The following M1AP variants were observed in gnomAD, a reference collection of about 807,000 sequenced individuals.
M1AP encodes meiosis 1 arrest protein.
Under a neutral mutation model 51.2 loss-of-function variants are expected in M1AP, and 39 were observed. The ratio of observed to expected loss-of-function variants is 0.76; its 90% CI spans 0.59 to 1.00. The LOEUF (loss-of-function observed/expected upper bound fraction) is 1.00. Among genes scored for constraint, M1AP ranks in the 50% least tolerant of loss-of-function variants. The pLI, the probability that M1AP is intolerant of heterozygous loss-of-function variation, is 0.00. For synonymous variants in M1AP, 251 were observed against 249.2 expected, an observed-to-expected ratio of 1.01 and a Z score of -0.07; for missense variants, 545 against 641.2, an observed-to-expected ratio of 0.85 and a Z score of 1.62.
At chr2:74,602,207 T>G (rs996640572) in intron 4 of M1AP, among the ~76,000 whole-genome samples, 1 of 150,732 alleles carries the variant, frequency 6.6e-6, no homozygotes, top group Admixed American at 6.6e-5. Flanking sequence ...AAATCATTTG[T>G]TTTTTTTTCA....
In M1AP at chr2:74,648,280, G is replaced by A. The variant is rs1683722112; in HGVS notation, c.-68C>T. 3 of 985,260 alleles carry A rather than the reference G, an allele frequency of 3.0e-6. No individual in the cohort carries two copies. Among genetic ancestry groups the A allele is most frequent in the Admixed American group, 6.1e-5 (1 of 16,272 alleles). The allele number at this position is 985,260 out of a possible 1,614,324, so 61.0% of individuals were successfully genotyped here. On this transcript the variant is annotated 5_prime_UTR_variant, in exon 1 of 11. Coordinates refer to ENST00000421985, the MANE Select transcript of M1AP (RefSeq NM_001321739.2). ...AGAACCGTACCTGTCTTCGGAAGAC[G>A]GAGGCCCCCTCACCTGGTCCTCCCG...
intron 7 of M1AP, among the ~76,000 whole-genome samples, chr2:74,564,321 C>T (rs1678233614): frequency 6.6e-6 from 1 of 152,120 alleles, no homozygotes; most frequent in Non-Finnish European, 1.5e-5. Flanking sequence ...CTGGTAGGCA[C>T]AGCAAGTGGT....
intron 4 of M1AP, among the ~76,000 whole-genome samples, chr2:74,604,176 C>G (rs925205641): frequency 6.6e-6 from 1 of 152,176 alleles, no homozygotes; most frequent in Non-Finnish European, 1.5e-5. Flanking sequence ...ACCTTTATGC[C>G]TCACTCCCAC....
chr2:74,646,231 G>A (rs536633266), intron 1 of M1AP, among the ~76,000 whole-genome samples: 2 of 152,300 alleles, frequency 1.3e-5, no homozygotes, highest in African/African-American at 4.8e-5. Context: ...ATAAGCCCAT[G>A]TGATGTTTTA....
intron 2 of M1AP, among the ~76,000 whole-genome samples, chr2:74,634,678 C>T (rs945128874): frequency 5.9e-5 from 9 of 152,154 alleles, no homozygotes; most frequent in African/African-American, 2.2e-4. Context: ...TTAAATATGG[C>T]ATTAGCTGTA....
At chr2:74,561,836 G>C (rs1029027382) in intron 8 of M1AP, 55 of 967,614 alleles carry the variant, frequency 5.7e-5, no homozygotes, top group Non-Finnish European at 6.3e-5. Flanking sequence ...CCTGACATCA[G>C]GTTTCCACTC....
At chr2:74,599,071 A>G (rs2104667007) in intron 4 of M1AP, among the ~76,000 whole-genome samples, 1 of 152,192 alleles carries the variant, frequency 6.6e-6, no homozygotes, top group African/African-American at 2.4e-5. Flanking sequence ...TGAGGTCAGG[A>G]GTTCGAGATC....
chr2:74,612,239 G>C (rs1370937596), intron 3 of M1AP, among the ~76,000 whole-genome samples: 1 of 151,914 alleles, frequency 6.6e-6, no homozygotes, highest in Non-Finnish European at 1.5e-5. Flanking sequence ...GTTTTTAAGA[G>C]ACAAGGTCTT....
chr2:74,564,112 AG>A (rs1678218436), intron 7 of M1AP, among the ~76,000 whole-genome samples: 1 of 152,222 alleles, frequency 6.6e-6, no homozygotes, highest in Admixed American at 6.5e-5. Context: ...AAAGGCAAAA[AG>A]GGGGAAAAGA....
At chr2:74,565,825 T>TCACACACACACACACACACACACA (rs72206117) in intron 7 of M1AP, among the ~76,000 whole-genome samples, 1 of 138,006 alleles carries the variant, frequency 7.2e-6, no homozygotes, top group African/African-American at 2.7e-5. Context: ...TGAGATGCCG[T>TCACACACACACACACACACACACA]CACACACACA....
intron 8 of M1AP, among the ~76,000 whole-genome samples, chr2:74,560,720 G>T (rs1677864638): frequency 6.6e-6 from 1 of 152,156 alleles, no homozygotes; most frequent in East Asian, 1.9e-4. Flanking sequence ...GAATGGAAAG[G>T]GAGGAGGGGA....
chr2:74,573,142 G>A (rs189052159), intron 7 of M1AP, among the ~76,000 whole-genome samples: 2,650 of 151,700 alleles, frequency 0.017, 39 homozygotes, highest in Middle Eastern at 0.051. Flanking sequence ...CGCCTCCCAG[G>A]TTCAAGCGAT....
At position 74,610,447 on chromosome 2, in the gene M1AP, A is replaced by G. The variant is rs181636352; in HGVS notation, c.427-3224T>C. 4.6e-3 allele frequency among the ~76,000 whole-genome samples: 699 copies of G among 151,778 alleles called. 7 individuals carry two copies. The highest frequency in any genetic ancestry group is 0.024 in the Middle Eastern group (7 of 294). ...AATCCTTGCCCAGACCAATGTCACA[A>G]ATTGTTTCCCTCATTTTAAGAGTCA... On this transcript the variant is annotated intron_variant, in intron 3 of 10. Coordinates refer to ENST00000421985, the MANE Select transcript of M1AP (RefSeq NM_001321739.2).
intron 4 of M1AP, among the ~76,000 whole-genome samples, chr2:74,599,301 C>T (rs1680535899): frequency 1.3e-5 from 2 of 152,030 alleles, no homozygotes; most frequent in Admixed American, 1.3e-4. Flanking sequence ...GATTAGCAAA[C>T]TTTATGTCTT....
rs763585839 is a variant in M1AP, at chr2:74,607,240, G to T, written c.427-17C>A. 1.9e-5 allele frequency: 31 copies of T among 1,612,400 alleles called. No homozygotes were observed. The highest frequency in any genetic ancestry group is 2.5e-5 in the Non-Finnish European group (29 of 1,178,748). ...AATAGTAATCTGAAAATAAATCCAAGAATCAATGTGTCTATTCTCCCTGAT... is the reference window on the plus strand; with the variant it reads ...AATAGTAATCTGAAAATAAATCCAATAATCAATGTGTCTATTCTCCCTGAT... On this transcript the variant is annotated splice_polypyrimidine_tract_variant and intron_variant, in intron 3 of 10. Transcript: ENST00000421985.
chr2:74,625,453 T>C (rs1470368085), intron 2 of M1AP, among the ~76,000 whole-genome samples: 1 of 152,228 alleles, frequency 6.6e-6, no homozygotes, highest in Non-Finnish European at 1.5e-5. Flanking sequence ...TTTTTGGTTT[T>C]ATATTATGCT....
chr2:74,587,002 CAA>C (rs1190251502), intron 4 of M1AP, among the ~76,000 whole-genome samples: 9 of 96,012 alleles, frequency 9.4e-5, no homozygotes, highest in Admixed American at 4.4e-4. Flanking sequence ...AACTCCATTT[CAA>C]AAAAAAAAAA....
intron 4 of M1AP, among the ~76,000 whole-genome samples, chr2:74,583,766 A>G (rs2104598660): frequency 6.6e-6 from 1 of 152,342 alleles, no homozygotes; most frequent in East Asian, 1.9e-4. Context: ...GACTTTCCAC[A>G]GGGAACAAAG....
chr2:74,633,759 A>G (rs1339105465), intron 2 of M1AP, among the ~76,000 whole-genome samples: 1 of 152,186 alleles, frequency 6.6e-6, no homozygotes, highest in East Asian at 1.9e-4. Context: ...AATGTCATGA[A>G]TAACTTTTTC....
Sources: allele counts gnomAD v4.1 joint callset (sites outside exome capture counted in the v4.1 genomes callset), GRCh38; gene constraint gnomAD v4.1.1; transcripts MANE v1.5; gene names NCBI Gene and HGNC (gene_info 2026-07-23, HGNC 2026-07-21).